Variants in NTMT1 observed in about 807,000 individuals in gnomAD.
The protein encoded by NTMT1 is N-terminal RCC1 methyltransferase.
A neutral mutation model predicts 17.5 loss-of-function variants in NTMT1; 8 were observed. The ratio of observed to expected loss-of-function variants is 0.46; its 90% confidence interval spans 0.27 to 0.82. The LOEUF is 0.82. Ranked by LOEUF, NTMT1 falls within the 40% of genes least tolerant of loss-of-function variation. The pLI is 0.15. For synonymous variants in NTMT1, 128 were observed against 126.8 expected, an observed-to-expected ratio of 1.01 and a Z score of -0.06; for missense variants, 221 against 303.5, an observed-to-expected ratio of 0.73 and a Z score of 2.02.
intron 1 of NTMT1, among the ~76,000 whole-genome samples, chr9:129,631,148 C>T (rs1004449275): frequency 3.3e-5 from 5 of 152,348 alleles, no homozygotes; most frequent in African/African-American, 7.2e-5. Context: ...CTGCCCAGCT[C>T]GGGCTGCCTC....
chr9:129,615,073 G>A (rs762445477), intron 1 of NTMT1, among the ~76,000 whole-genome samples: 9 of 152,188 alleles, frequency 5.9e-5, no homozygotes, highest in Non-Finnish European at 1.2e-4. Context: ...GGCAGGCTTC[G>A]AGGTCTGCCT....
rs1467163267 is a variant in NTMT1 at position 129,613,769 on chromosome 9, A to G, written c.-55+4591A>G. ...CAGAGAAGCCTTGGGTTTTAAAACC[A>G]CCTTGCGTGACCATTTCTGTTATAC... On this transcript the variant is annotated intron_variant, in intron 1 of 3. Coordinates refer to the NTMT1 transcript ENST00000372486. This position sits in a 1 kb window ranked among gnomAD's most constrained non-coding sequence, Gnocchi z 6.2. Among the ~76,000 whole-genome samples the G allele has an allele frequency of 1.3e-5, 2 of 152,044 alleles. No homozygotes were observed. Among genetic ancestry groups the G allele is most frequent in the East Asian group, 3.9e-4 (2 of 5,172 alleles).
chr9:129,630,542 C>T lies in NTMT1; in HGVS notation c.-54-2108C>T, dbSNP rs566435208. 7.2e-5 allele frequency among the ~76,000 whole-genome samples: 11 copies of T among 152,378 alleles called. No homozygotes were observed. In the East Asian group the frequency reaches 2.1e-3, roughly 29 times the overall value. On this transcript the variant is annotated intron_variant, in intron 1 of 3. Transcript: ENST00000372483. ...TCCTTCTCAGGGCATTTTCCCGTTT[C>T]CCTCTGACCACTTCTCTTGAAGCCC...
chr9:129,619,655 A>G (rs766515597), intron 1 of NTMT1: 1 of 1,613,644 alleles, frequency 6.2e-7, no homozygotes, highest in East Asian at 2.2e-5. Flanking sequence ...CAAACAGGCC[A>G]CATCTGGCAT....
intron 1 of NTMT1, among the ~76,000 whole-genome samples, chr9:129,630,135 A>G (rs1831086934): frequency 6.6e-6 from 1 of 152,188 alleles, no homozygotes; most frequent in Admixed American, 6.5e-5. Context: ...TTCAGAATAT[A>G]GTAGTGCAGA....
chr9:129,617,585 C>T (rs1034391722), intron 1 of NTMT1, among the ~76,000 whole-genome samples: 5 of 152,208 alleles, frequency 3.3e-5, no homozygotes, highest in African/African-American at 1.2e-4. Flanking sequence ...AGAATGAATT[C>T]CATACTTTTA....
chr9:129,615,390 C>T, intron 1 of NTMT1: 1 of 1,329,674 alleles, frequency 7.5e-7, no homozygotes, highest in Non-Finnish European at 1.0e-6. Context: ...TTTGCAAAGC[C>T]AGTCCCTCAC....
chr9:129,622,436 T>C (rs967326149), upstream of NTMT1, among the ~76,000 whole-genome samples: 32 of 151,984 alleles, frequency 2.1e-4, 1 homozygote, highest in African/African-American at 7.7e-4. Flanking sequence ...GAGGTTGCAG[T>C]GAGCTGAGAT....
In NTMT1 at chr9:129,634,174, G is replaced by A. The variant is rs1275240673; in HGVS notation, c.283G>A (p.Asp95Asn). ...REVDMVDITE[D>N]FLVQAKTYLG... ...GGTGGATATGGTCGACATAACGGAG[G>A]ACTTCCTGGTTCAAGCCAAGACCTA... The change falls in exon 3 of 4, where the codon GAC (aspartate) becomes AAC (asparagine). Residue 95 changes from aspartate to asparagine, a missense_variant. Physicochemically the swap from Asp to Asn is conservative, Grantham distance 23 (BLOSUM62 1). Coordinates refer to ENST00000372483, the MANE Select transcript of NTMT1 (RefSeq NM_014064.4). 2 of 1,614,172 alleles carry A rather than the reference G, an allele frequency of 1.2e-6. No individual in the cohort carries two copies. Among genetic ancestry groups the A allele is most frequent in the Admixed American group, 1.7e-5 (1 of 60,024 alleles).
At chr9:129,635,062 C>A in intron 3 of NTMT1, 146 bp from the exon 4 acceptor site, 2 of 914,848 alleles carry the variant, frequency 2.2e-6, no homozygotes, top group Non-Finnish European at 3.3e-6. Context: ...TAGTAAATCT[C>A]TCGGGACTGA....
In NTMT1 at chr9:129,635,485, C is replaced by CT. The variant is rs1831496206; in HGVS notation, c.*22dup. On this transcript the variant is annotated 3_prime_UTR_variant, in exon 4 of 4. Coordinates refer to ENST00000372483, the MANE Select transcript of NTMT1 (RefSeq NM_014064.4). ...GATGAGCCGGGGCTGGCAGGAGAAA[C>CT]TGAGGAACCACAGTCCTGGTGGGGG... The CT allele has an allele frequency of 6.3e-7, 1 of 1,598,076 alleles. No individual in the cohort carries two copies. Among genetic ancestry groups the CT allele is most frequent in the South Asian group, 1.1e-5 (1 of 89,992 alleles).
intron 1 of NTMT1, chr9:129,626,551 TC>T (rs1564344424): frequency 6.6e-6 from 1 of 152,442 alleles, no homozygotes; most frequent in Non-Finnish European, 1.5e-5. Flanking sequence ...GGCAGGGCAC[TC>T]CCCCACCCCG....
In NTMT1 at chr9:129,619,223, T is replaced by TGAGATGGATGCA. The variant is rs549658275; in HGVS notation, c.-55+10046_-55+10057dup. ...GGTTGTAGAAGACTTGGTTCATGGA[T>TGAGATGGATGCA]GAGATGGATGCAAAGATGGATGGGT... On this transcript the variant is annotated intron_variant, in intron 1 of 3. Transcript: ENST00000372486. Among the ~76,000 whole-genome samples, 18 of 152,140 alleles carry TGAGATGGATGCA rather than the reference T, an allele frequency of 1.2e-4. No homozygotes were observed. The South Asian group carries it at 3.1e-3, about 26-fold the overall frequency.
chr9:129,635,514 C>T lies in NTMT1; in HGVS notation c.*50C>T. 6.4e-7 allele frequency: 1 copy of T among 1,570,940 alleles called. No individual in the cohort carries two copies. The highest frequency in any genetic ancestry group is 8.6e-7 in the Non-Finnish European group (1 of 1,157,258). On this transcript the variant is annotated 3_prime_UTR_variant, in exon 4 of 4. Transcript: ENST00000372483. ...GGAACCACAGTCCTGGTGGGGGGAG[C>T]TGGCAGCTGGGCAAGATCCAGGCGC...
In NTMT1 at chr9:129,613,465, G is replaced by A; in HGVS notation, c.-55+4287G>A. ...AGCGCAGTCCCAACACGAGGAGCTGGCCAGGGTCTCCTCCTTGGCCCCAGG... is the reference window on the plus strand; with the variant it reads ...AGCGCAGTCCCAACACGAGGAGCTGACCAGGGTCTCCTCCTTGGCCCCAGG... On this transcript the variant is annotated intron_variant, in intron 1 of 3. Coordinates refer to the NTMT1 transcript ENST00000372486. The surrounding 1 kb of genome is among the most constrained non-coding windows in gnomAD (Gnocchi z 6.2). 6.2e-7 allele frequency: 1 copy of A among 1,614,046 alleles called. No homozygotes were observed. Among genetic ancestry groups the A allele is most frequent in the Non-Finnish European group, 8.5e-7 (1 of 1,180,022 alleles).
rs952571687 is a variant in NTMT1, at chr9:129,632,669, C to T, written c.-35C>T. On this transcript the variant is annotated 5_prime_UTR_variant, in exon 2 of 4. Transcript: ENST00000372483. ...ACCCAGGAGAGTCGCGGTTGCTGAT[C>T]GTGGTGCTTGAGTAGAGCCGTGGTT... The T allele has an allele frequency of 7.5e-6, 12 of 1,609,242 alleles. No individual in the cohort carries two copies. Among genetic ancestry groups the T allele is most frequent in the African/African-American group, 1.3e-5 (1 of 74,846 alleles).
At position 129,626,175 on chromosome 9, in the gene NTMT1, G is replaced by A. The variant is rs1830878492; in HGVS notation, c.-175G>A. The A allele has an allele frequency of 6.6e-6, 1 of 152,218 alleles. No homozygotes were observed. Among genetic ancestry groups the A allele is most frequent in the Admixed American group, 6.5e-5 (1 of 15,288 alleles). The allele number at this position is 152,218 out of a possible 1,614,324, so 9.4% of individuals were successfully genotyped here. On this transcript the variant is annotated 5_prime_UTR_variant, in exon 1 of 4. Coordinates refer to ENST00000372483, the MANE Select transcript of NTMT1 (RefSeq NM_014064.4). ...GGCGGACAAAGGCAGCGCGCGCCGC[G>A]AGCTGTCGCGTCTGGTCGTGGTCTG...
chr9:129,627,590 GTCTTGTCTGTGCTTA>G (rs1830960471), intron 1 of NTMT1, among the ~76,000 whole-genome samples: 1 of 152,228 alleles, frequency 6.6e-6, no homozygotes, highest in Non-Finnish European at 1.5e-5. Flanking sequence ...GAGGTTTAAT[GTCTTGTCTGTGCTTA>G]CACAGCAGGT....
chr9:129,615,496 G>A (rs778411088), intron 1 of NTMT1: 17 of 1,597,968 alleles, frequency 1.1e-5, no homozygotes, highest in East Asian at 6.8e-5. Context: ...GAGCGTCTGC[G>A]CTCCCAGTAG....
Sources: allele counts gnomAD v4.1 joint callset (sites outside exome capture counted in the v4.1 genomes callset), GRCh38; gene constraint gnomAD v4.1.1; non-coding constraint Gnocchi (gnomAD v3.1); transcripts MANE v1.5; gene names NCBI Gene and HGNC (gene_info 2026-07-23, HGNC 2026-07-21).